RIC8B: variants seen among roughly 807,000 people sequenced by gnomAD.
RIC8B encodes the protein RIC8 guanine nucleotide exchange factor B, also known as chaperone Ric-8B.
Under a neutral mutation model 57.5 loss-of-function variants are expected in RIC8B, and 16 were observed. The observed-to-expected ratio is 0.28, with a 90% CI of 0.19 to 0.42. The LOEUF (loss-of-function observed/expected upper bound fraction) is 0.42. Among genes scored for constraint, RIC8B ranks in the 10% least tolerant of loss-of-function variants. RIC8B has a pLI of 1.00. For missense variants in RIC8B, 481 were observed against 677.0 expected (o/e 0.71, Z 3.21); for synonymous variants, 216 against 250.8 (o/e 0.86, Z 1.31).
At chr12:106,874,324 TAA>T (rs1950575392) in intron 9 of RIC8B, among the ~76,000 whole-genome samples, 2 of 152,332 alleles carry the variant, frequency 1.3e-5, no homozygotes, top group South Asian at 4.1e-4. Flanking sequence ...GTTATTGTGC[TAA>T]GAGTGTACCA....
At chr12:106,813,621 A>G (rs1192445629) in intron 2 of RIC8B, among the ~76,000 whole-genome samples, 1 of 152,136 alleles carries the variant, frequency 6.6e-6, no homozygotes, top group Middle Eastern at 3.2e-3. Context: ...GCTGATGACT[A>G]TGTGCACATA....
In RIC8B at chr12:106,887,020, G is replaced by A. The variant is rs987988361; in HGVS notation, c.*1005G>A. 5 of 152,456 alleles carry A rather than the reference G, an allele frequency of 3.3e-5. No individual in the cohort carries two copies. Among genetic ancestry groups the A allele is most frequent in the Non-Finnish European group, 7.4e-5 (5 of 68,004 alleles). 9.4% of individuals were successfully genotyped at this position (152,456 alleles called of 1,614,324 possible). ...AGTAACTTTATTTATTTAAAAAAAAGAAACACAATTAGTTACTGTTAAACT... is the reference window on the plus strand; with the variant it reads ...AGTAACTTTATTTATTTAAAAAAAAAAAACACAATTAGTTACTGTTAAACT... On this transcript the variant is annotated 3_prime_UTR_variant, in exon 10 of 10. Transcript: ENST00000392837.
intron 2 of RIC8B, among the ~76,000 whole-genome samples, chr12:106,799,412 A>G (rs924161128): frequency 6.6e-6 from 1 of 152,148 alleles, no homozygotes; most frequent in African/African-American, 2.4e-5. Flanking sequence ...TGTTATCCCT[A>G]TCTATTTAGA....
Position 106,798,807 on chromosome 12 carries a change from A to G in RIC8B, c.132+14763A>G, listed in dbSNP as rs189563124. 2.0e-5 allele frequency among the ~76,000 whole-genome samples: 3 copies of G among 152,256 alleles called. No homozygotes were observed. In the East Asian group the frequency reaches 5.8e-4, roughly 29 times the overall value. ...CCACTTACTGCCCAACACATTTATCAAAAAGCTTTCTCTGGCAAAATTTCT... is the reference window on the plus strand; with the variant it reads ...CCACTTACTGCCCAACACATTTATCGAAAAGCTTTCTCTGGCAAAATTTCT... On this transcript the variant is annotated intron_variant, in intron 2 of 9. Transcript: ENST00000392837.
At chr12:106,819,414 G>A (rs1371126663) in intron 3 of RIC8B, among the ~76,000 whole-genome samples, 1 of 152,034 alleles carries the variant, frequency 6.6e-6, no homozygotes, top group Non-Finnish European at 1.5e-5. Context: ...CTAACTTCTT[G>A]TGAAATAATA....
intron 3 of RIC8B, among the ~76,000 whole-genome samples, chr12:106,816,627 T>C (rs998924332): frequency 1.3e-5 from 2 of 152,218 alleles, no homozygotes; most frequent in Non-Finnish European, 2.9e-5. Context: ...CAGAGACTGT[T>C]GGTTTGCCAT....
rs193240831 is a variant in RIC8B, at chr12:106,786,979, G to A, written c.132+2935G>A. ...GTAGTGCTTTTACTGGTAAATACAA[G>A]CATATTAAGACAGAGTCTCCTACCC... On this transcript the variant is annotated intron_variant, in intron 2 of 9. Transcript: ENST00000392837. Among the ~76,000 whole-genome samples, 3 of 152,280 alleles carry A rather than the reference G, an allele frequency of 2.0e-5. No homozygotes were observed. In the East Asian group the frequency reaches 5.8e-4, roughly 29 times the overall value.
At chr12:106,778,972 G>A (rs2043617894) in intron 1 of RIC8B, among the ~76,000 whole-genome samples, 1 of 152,186 alleles carries the variant, frequency 6.6e-6, no homozygotes, top group African/African-American at 2.4e-5. Flanking sequence ...GGAGTGCAAT[G>A]GCGCGATCTC....
At chr12:106,838,535 CA>C (rs34383569) in intron 4 of RIC8B, among the ~76,000 whole-genome samples, 1,217 of 94,734 alleles carry the variant, frequency 0.013, 9 homozygotes, top group African/African-American at 0.039. Context: ...AATACCCTGT[CA>C]AAAAAAAAAA....
intron 4 of RIC8B, among the ~76,000 whole-genome samples, chr12:106,832,998 TG>T (rs1219400418): frequency 2.0e-5 from 3 of 152,040 alleles, no homozygotes; most frequent in Admixed American, 2.0e-4. Context: ...CTATCCCTTT[TG>T]TGAGGAAAAA....
chr12:106,832,738 A>G (rs2046411049), intron 4 of RIC8B, among the ~76,000 whole-genome samples: 1 of 152,166 alleles, frequency 6.6e-6, no homozygotes, highest in South Asian at 2.1e-4. Flanking sequence ...GGCTAATTGG[A>G]AACTGTCAAG....
At chr12:106,810,968 C>T (rs767255658) in intron 2 of RIC8B, among the ~76,000 whole-genome samples, 1 of 152,176 alleles carries the variant, frequency 6.6e-6, no homozygotes, top group Non-Finnish European at 1.5e-5. Flanking sequence ...TGCATACAAA[C>T]AATTTAAATT....
chr12:106,845,931 T>C (rs1949168678), intron 6 of RIC8B, among the ~76,000 whole-genome samples: 1 of 152,198 alleles, frequency 6.6e-6, no homozygotes, highest in Non-Finnish European at 1.5e-5. Flanking sequence ...TCCCTCCTCC[T>C]TGAAATACTT....
At chr12:106,866,731 A>G (rs1950153749) in intron 8 of RIC8B, among the ~76,000 whole-genome samples, 1 of 152,192 alleles carries the variant, frequency 6.6e-6, no homozygotes, top group African/African-American at 2.4e-5. Context: ...TAGAATTCAG[A>G]TATTTTAGAT....
intron 5 of RIC8B, among the ~76,000 whole-genome samples, 182 bp from the exon 6 acceptor site, chr12:106,843,670 C>G (rs1171273905): frequency 7.2e-6 from 1 of 139,780 alleles, no homozygotes; most frequent in Non-Finnish European, 1.5e-5. Flanking sequence ...TGCAGTGAGC[C>G]GAGATTGCGC....
chr12:106,825,704 C>T, intron 3 of RIC8B, 22 bp from the exon 4 acceptor site: 1 of 1,592,482 alleles, frequency 6.3e-7, no homozygotes, highest in African/African-American at 1.3e-5. Context: ...CCAATGTTTC[C>T]TCTCTTTTTT....
In RIC8B at chr12:106,879,349, G is replaced by C. The variant is rs1391667548; in HGVS notation, c.1572-6555G>C. 2 of 985,088 alleles carry C rather than the reference G, an allele frequency of 2.0e-6. No homozygotes were observed. Among genetic ancestry groups the C allele is most frequent in the African/African-American group, 3.5e-5 (2 of 57,150 alleles). The allele number at this position is 985,088 out of a possible 1,614,324, so 61.0% of individuals were successfully genotyped here. On this transcript the variant is annotated intron_variant, in intron 9 of 9. Coordinates refer to ENST00000392837, the MANE Select transcript of RIC8B (RefSeq NM_001330145.2). The surrounding 1 kb of genome is among the most constrained non-coding windows in gnomAD (Gnocchi z 4.9). ...GACCTATTCTATATTGTGCGATTGG[G>C]TATGTTAGTATCTGAACCCCAATTT...
rs564565469 is a variant in RIC8B, at chr12:106,799,087, A to G, written c.132+15043A>G. ...ATACGTTCCTGTATCAGGGTGGTGT[A>G]CATAGGTGCTCAGTAATGGACACTG... On this transcript the variant is annotated intron_variant, in intron 2 of 9. Transcript: ENST00000392837. 4.6e-5 allele frequency among the ~76,000 whole-genome samples: 7 copies of G among 152,368 alleles called. No homozygotes were observed. The South Asian group carries it at 1.5e-3, about 32-fold the overall frequency.
At chr12:106,865,125 A>G (rs1007237521) in intron 8 of RIC8B, among the ~76,000 whole-genome samples, 4 of 152,190 alleles carry the variant, frequency 2.6e-5, no homozygotes, top group African/African-American at 7.2e-5. Flanking sequence ...GTATATACCC[A>G]GAAGTGTTGT....
Sources: allele counts gnomAD v4.1 joint callset (sites outside exome capture counted in the v4.1 genomes callset), GRCh38; gene constraint gnomAD v4.1.1; non-coding constraint Gnocchi (gnomAD v3.1); transcripts MANE v1.5; gene names NCBI Gene and HGNC (gene_info 2026-07-23, HGNC 2026-07-21).